Variants in SLC25A37 observed in about 807,000 individuals in gnomAD.
SLC25A37 encodes the protein mitoferrin-1.
SLC25A37 carries 17 observed loss-of-function variants against 31.0 expected under a neutral mutation model. That is an observed-to-expected ratio of 0.55 (90% confidence interval 0.38 to 0.82). SLC25A37 has a LOEUF of 0.82. Among genes scored for constraint, SLC25A37 ranks in the 40% least tolerant of loss-of-function variants. The probability of loss-of-function intolerance (pLI) is 0.00; values close to 1 mark genes in which losing one functional copy is unlikely to be tolerated. For synonymous variants in SLC25A37, 222 were observed against 193.0 expected (o/e 1.15, Z -1.24); for missense variants, 404 against 465.8 (o/e 0.87, Z 1.22).
intron 1 of SLC25A37, among the ~76,000 whole-genome samples, chr8:23,559,068 G>A (rs1802442167): frequency 6.6e-6 from 1 of 152,228 alleles, no homozygotes; most frequent in South Asian, 2.1e-4. Flanking sequence ...TTGGTCAGGT[G>A]TCTCTGGTTA....
In SLC25A37 at chr8:23,550,064, C is replaced by T. The variant is rs1802180251; in HGVS notation, c.211-16044C>T. 2.2e-5 allele frequency among the ~76,000 whole-genome samples: 3 copies of T among 136,392 alleles called. 1 individual carries two copies. The highest frequency in any genetic ancestry group is 6.6e-5 in the African/African-American group (2 of 30,194). 89.5% of individuals were successfully genotyped at this position (136,392 alleles called of 152,430 possible). Reference sequence around the variant, plus strand: ...GGTGCGGTGGCACATGCCTGTAATCCCAGCTACTTGGGAGGCTGAGGCAGG... The same window carrying T: ...GGTGCGGTGGCACATGCCTGTAATCTCAGCTACTTGGGAGGCTGAGGCAGG... On this transcript the variant is annotated intron_variant, in intron 1 of 3. Transcript: ENST00000519973.
intron 1 of SLC25A37, among the ~76,000 whole-genome samples, chr8:23,532,557 C>T (rs887649719): frequency 6.6e-6 from 1 of 152,204 alleles, no homozygotes; most frequent in Non-Finnish European, 1.5e-5. Context: ...TGCCGAGTCC[C>T]GCCTGGGGAA....
intron 1 of SLC25A37, among the ~76,000 whole-genome samples, chr8:23,539,119 T>C (rs1486669377): frequency 1.3e-5 from 2 of 152,182 alleles, no homozygotes; most frequent in Non-Finnish European, 2.9e-5. Flanking sequence ...AGAGGTGTTA[T>C]GGTTTCACAT....
At chr8:23,540,486 G>A (rs1397339720) in intron 1 of SLC25A37, among the ~76,000 whole-genome samples, 3 of 152,186 alleles carry the variant, frequency 2.0e-5, no homozygotes, top group East Asian at 1.9e-4. Flanking sequence ...GGGCTCTAAC[G>A]TATAGTTAGG....
intron 3 of SLC25A37, 116 bp from the exon 4 acceptor site, chr8:23,571,219 G>A: frequency 7.8e-7 from 1 of 1,282,026 alleles, no homozygotes; most frequent in South Asian, 1.5e-5. Context: ...TGTTTCCGGT[G>A]TCTAACTGGC....
intron 1 of SLC25A37, among the ~76,000 whole-genome samples, chr8:23,534,175 A>G (rs1367412777): frequency 6.7e-6 from 1 of 149,478 alleles, no homozygotes; most frequent in Admixed American, 6.7e-5. Context: ...CTGGTCTTGA[A>G]CTCCTGGGCT....
chr8:23,544,017 C>T (rs577853132), intron 1 of SLC25A37, among the ~76,000 whole-genome samples: 11 of 152,084 alleles, frequency 7.2e-5, no homozygotes, highest in Non-Finnish European at 1.3e-4. Flanking sequence ...TGTGCCACCA[C>T]GCCCGGCTAA....
intron 2 of SLC25A37, chr8:23,567,770 C>A (rs907633894): frequency 1.9e-5 from 3 of 156,880 alleles, no homozygotes; most frequent in South Asian, 1.8e-4. Context: ...GCTTTGCAGA[C>A]TGACCCTGGA....
chr8:23,550,180 TCAAA>T (rs776892497), intron 1 of SLC25A37, among the ~76,000 whole-genome samples: 1 of 68,090 alleles, frequency 1.5e-5, no homozygotes. Context: ...AAATTCCGTT[TCAAA>T]AAAAAAAAAA....
intron 1 of SLC25A37, among the ~76,000 whole-genome samples, chr8:23,533,511 T>C (rs1801702523): frequency 6.6e-6 from 1 of 152,250 alleles, no homozygotes; most frequent in Non-Finnish European, 1.5e-5. Context: ...AGATGAGTTT[T>C]GTCCTGTCTT....
intron 1 of SLC25A37, among the ~76,000 whole-genome samples, chr8:23,531,004 C>T (rs181660728): frequency 6.6e-6 from 1 of 152,304 alleles, no homozygotes; most frequent in Non-Finnish European, 1.5e-5. Context: ...CTTTCCATAG[C>T]AGTTTTCACC....
At chr8:23,556,375 G>A (rs1320389936) in intron 1 of SLC25A37, among the ~76,000 whole-genome samples, 1 of 151,582 alleles carries the variant, frequency 6.6e-6, no homozygotes, top group Non-Finnish European at 1.5e-5. Context: ...CACCCACCAT[G>A]CCTGGCTAAT....
chr8:23,567,826 G>GTTTTTT (rs542715318), intron 2 of SLC25A37: 3 of 111,648 alleles, frequency 2.7e-5, no homozygotes, highest in African/African-American at 1.1e-4. Context: ...CTCTTGCCCA[G>GTTTTTT]TTTTTTTTTT....
chr8:23,544,107 G>A (rs911340200), intron 1 of SLC25A37, among the ~76,000 whole-genome samples: 2 of 152,152 alleles, frequency 1.3e-5, no homozygotes, highest in Non-Finnish European at 2.9e-5. Context: ...TGATCCACCT[G>A]CCCTAGCCTC....
In SLC25A37 at chr8:23,571,487, A is replaced by G. The variant is rs1585207753; in HGVS notation, c.649A>G (p.Ile217Val). Reference sequence around the variant, plus strand: ...CATCCCCTTCCAGTCCATCCACTTCATCACCTATGAGTTCCTGCAGGAGCA... The same window carrying G: ...CATCCCCTTCCAGTCCATCCACTTCGTCACCTATGAGTTCCTGCAGGAGCA... ...MNIPFQSIHF[I>V]TYEFLQEQVN... The change falls in exon 4 of 4, where the codon ATC (isoleucine) becomes GTC (valine). Residue 217 changes from isoleucine to valine, a missense_variant. Coordinates refer to ENST00000519973, the MANE Select transcript of SLC25A37 (RefSeq NM_016612.4). The G allele has an allele frequency of 6.2e-7, 1 of 1,613,962 alleles. No individual in the cohort carries two copies. The highest frequency in any genetic ancestry group is 8.5e-7 in the Non-Finnish European group (1 of 1,179,880).
chr8:23,567,740 C>T (rs1443376125), intron 2 of SLC25A37: 1 of 152,856 alleles, frequency 6.5e-6, no homozygotes, highest in Non-Finnish European at 1.5e-5. Flanking sequence ...ACCCGACTCT[C>T]AGATGGGGTC....
At chr8:23,546,978 G>A (rs1802085860) in intron 1 of SLC25A37, among the ~76,000 whole-genome samples, 1 of 152,154 alleles carries the variant, frequency 6.6e-6, no homozygotes, top group Admixed American at 6.5e-5. Flanking sequence ...GCTTCTGGGA[G>A]TTGGGAGCAG....
At chr8:23,530,892 C>T (rs958937801) in intron 1 of SLC25A37, among the ~76,000 whole-genome samples, 2 of 152,140 alleles carry the variant, frequency 1.3e-5, no homozygotes, top group Non-Finnish European at 2.9e-5. Context: ...TCTCAAGAGG[C>T]GTTTCTCACA....
At chr8:23,551,976 C>T (rs1026007848) in intron 1 of SLC25A37, among the ~76,000 whole-genome samples, 2 of 152,172 alleles carry the variant, frequency 1.3e-5, no homozygotes, top group Non-Finnish European at 2.9e-5. Context: ...TGGTAGCCTC[C>T]TCCTGGGACT....
Sources: gnomAD v4.1 joint callset for allele counts (sites outside exome capture counted in the v4.1 genomes callset) on GRCh38, gnomAD v4.1.1 for gene constraint, MANE v1.5 for transcripts, NCBI Gene and HGNC (gene_info 2026-07-23, HGNC 2026-07-21) for gene names.